SMPDL3B: variants seen among roughly 807,000 people sequenced by gnomAD.
SMPDL3B encodes the protein sphingomyelin phosphodiesterase acid like 3B.
A neutral mutation model predicts 37.9 loss-of-function variants in SMPDL3B; 31 were observed. The observed-to-expected ratio is 0.82, with a 90% CI of 0.61 to 1.10. SMPDL3B has a LOEUF of 1.10. Ranked by LOEUF, SMPDL3B falls within the 50% of genes least tolerant of loss-of-function variation. SMPDL3B has a pLI of 0.00. For synonymous variants in SMPDL3B, 235 were observed against 242.6 expected (o/e 0.97, Z 0.29); for missense variants, 525 against 597.8 (o/e 0.88, Z 1.27).
chr1:27,957,723 A>G (rs913823043), intron 7 of SMPDL3B, among the ~76,000 whole-genome samples: 23 of 152,184 alleles, frequency 1.5e-4, no homozygotes, highest in Non-Finnish European at 2.8e-4. Flanking sequence ...AGGCTGCACC[A>G]TCACCCCCTA....
At chr1:27,948,642 C>T (rs2090430082) in intron 2 of SMPDL3B, among the ~76,000 whole-genome samples, 1 of 152,218 alleles carries the variant, frequency 6.6e-6, no homozygotes, top group South Asian at 2.1e-4. Flanking sequence ...GCTTCTCAAC[C>T]CTGAGCTCCC....
intron 1 of SMPDL3B, among the ~76,000 whole-genome samples, chr1:27,940,292 GCACTTTA>G (rs2090345853): frequency 6.6e-6 from 1 of 152,174 alleles, no homozygotes; most frequent in African/African-American, 2.4e-5. Flanking sequence ...CCCTGCCCCT[GCACTTTA>G]CCTGTGGACA....
In SMPDL3B at chr1:27,945,311, A is replaced by G; in HGVS notation, c.141A>G (p.Ser47=). 2 of 1,614,206 alleles carry G rather than the reference A, an allele frequency of 1.2e-6. No homozygotes were observed. Among genetic ancestry groups the G allele is most frequent in the South Asian group, 2.2e-5 (2 of 91,088 alleles). ...AAGACCCCTTCCAGGTGTGCCCATC[A>G]GCTGGATCCCAGCCAGTGCCCGACG... ...VSKDPFQVCP[S]AGSQPVPDAG... is the part of the protein sequence containing the mutation. The change falls in exon 2 of 8, where the codon TCA becomes TCG. Residue 47 remains serine (S), a synonymous_variant. Transcript: ENST00000373894. This position sits in a 1 kb window ranked among gnomAD's most constrained non-coding sequence, Gnocchi z 4.0.
At position 27,945,384 on chromosome 1, in the gene SMPDL3B, A is replaced by G. The variant is rs2090398324; in HGVS notation, c.214A>G (p.Asn72Asp). The G allele has an allele frequency of 6.2e-7, 1 of 1,614,048 alleles. No individual in the cohort carries two copies. Among genetic ancestry groups the G allele is most frequent in the Non-Finnish European group, 8.5e-7 (1 of 1,180,004 alleles). The change falls in exon 2 of 8, where the codon AAC becomes GAC. Residue 72 changes from asparagine to aspartate, a missense_variant. Physicochemically the swap from Asn to Asp is conservative, Grantham distance 23. Coordinates refer to ENST00000373894, the MANE Select transcript of SMPDL3B (RefSeq NM_014474.4). This position sits in a 1 kb window ranked among gnomAD's most constrained non-coding sequence, Gnocchi z 4.0. ...YLCDSPWALINSSIYAMKEIE... is the reference protein window; with the variant it reads ...YLCDSPWALIDSSIYAMKEIE... ...CTGTGATTCTCCCTGGGCCCTCATCAACTCCTCCATCTATGCCATGAAGGA... is the reference window on the plus strand; with the variant it reads ...CTGTGATTCTCCCTGGGCCCTCATCGACTCCTCCATCTATGCCATGAAGGA...
rs560474833 is a variant in SMPDL3B, at chr1:27,954,219, T to C, written c.518-135T>C. The C allele has an allele frequency of 7.5e-4, 649 of 860,604 alleles. 8 individuals are homozygous for C. In the South Asian group the frequency reaches 9.8e-3, roughly 13 times the overall value. The allele number at this position is 860,604 out of a possible 1,614,324, so 53.3% of individuals were successfully genotyped here. On this transcript the variant is annotated intron_variant, in intron 4 of 7. Coordinates refer to ENST00000373894, the MANE Select transcript of SMPDL3B (RefSeq NM_014474.4). ...GCTCCAGAGCCTCTGATCTTCCAGA[T>C]TGATGTCCCACCCATGGGAAAGATG...
In SMPDL3B at chr1:27,953,352, A is replaced by T; in HGVS notation, c.511A>T (p.Lys171Ter). Residue 171 changes from lysine to a stop codon, truncating the protein, a stop_gained, in exon 4 of 8, where the codon AAA (lysine) becomes TAA (stop). Coordinates refer to ENST00000373894, the MANE Select transcript of SMPDL3B (RefSeq NM_014474.4). LOFTEE classifies it high-confidence loss of function. ...WLSNESIALFKKGAFYCEKLP... is the reference protein window; with the variant it reads ...WLSNESIALF The stretch of plus-strand genomic sequence containing the variant: ...TAGTAATGAGTCCATCGCTCTCTTC[A>T]AAAAAGGTACCAACACCACCTGCTC... 1 of 1,608,684 alleles carries T rather than the reference A, an allele frequency of 6.2e-7. No individual in the cohort carries two copies. The highest frequency in any genetic ancestry group is 8.5e-7 in the Non-Finnish European group (1 of 1,177,658).
At chr1:27,944,103 C>T (rs2090384021) in intron 1 of SMPDL3B, among the ~76,000 whole-genome samples, 1 of 151,458 alleles carries the variant, frequency 6.6e-6, no homozygotes, top group African/African-American at 2.4e-5. Flanking sequence ...TCTTTGGATT[C>T]CTTTCTCTTT....
chr1:27,956,397 T>C, intron 7 of SMPDL3B: 3 of 1,284,712 alleles, frequency 2.3e-6, no homozygotes, highest in Non-Finnish European at 3.1e-6. Context: ...ATAGCACCAC[T>C]TTCATCTTGT....
At chr1:27,957,876 TGAG>T (rs1223352929) in intron 7 of SMPDL3B, among the ~76,000 whole-genome samples, 3 of 152,170 alleles carry the variant, frequency 2.0e-5, no homozygotes, top group Non-Finnish European at 4.4e-5. Context: ...TCGCAGGGTT[TGAG>T]GAGGACTACA....
At chr1:27,946,697 C>A (rs116449059) in intron 2 of SMPDL3B, among the ~76,000 whole-genome samples, 6,172 of 152,238 alleles carry the variant, frequency 0.041, 430 homozygotes, top group African/African-American at 0.14. Flanking sequence ...TCTGACTTTG[C>A]GCTCCCTCTA....
intron 1 of SMPDL3B, among the ~76,000 whole-genome samples, chr1:27,944,528 A>T (rs4072744): frequency 0.63 from 95,731 of 151,432 alleles, 30,952 homozygotes; most frequent in Non-Finnish European, 0.71. Context: ...CGAATTTTCT[A>T]AATTTTGTGT....
In SMPDL3B at chr1:27,935,050, G is replaced by A; in HGVS notation, c.-134G>A. ...AGCCAGAGGATCCAGACGCCTTGGA[G>A]GACTTGGAACACCTGTAACAGGACA... On this transcript the variant is annotated 5_prime_UTR_variant, in exon 1 of 8. Coordinates refer to ENST00000373894, the MANE Select transcript of SMPDL3B (RefSeq NM_014474.4). 1 of 653,492 alleles carries A rather than the reference G, an allele frequency of 1.5e-6. No homozygotes were observed. Among genetic ancestry groups the A allele is most frequent in the South Asian group, 1.9e-5 (1 of 53,676 alleles). The allele number at this position is 653,492 out of a possible 1,614,324, so 40.5% of individuals were successfully genotyped here.
At chr1:27,954,310 G>T in intron 4 of SMPDL3B, 44 bp from the exon 5 acceptor site, 1 of 1,578,040 alleles carries the variant, frequency 6.3e-7, no homozygotes, top group South Asian at 1.1e-5. Flanking sequence ...AGCCTGTCTG[G>T]CCAGAGGTGG....
rs1638390066 is a variant in SMPDL3B, at chr1:27,958,896, C to G, written c.*58C>G. 1.4e-6 allele frequency: 2 copies of G among 1,478,338 alleles called. No homozygotes were observed. The highest frequency in any genetic ancestry group is 1.4e-5 in the African/African-American group (1 of 72,038). The allele number at this position is 1,478,338 out of a possible 1,614,324, so 91.6% of individuals were successfully genotyped here. A position where few individuals can be genotyped will look rare whatever the true frequency, so the allele number is the denominator to read the frequency against. On this transcript the variant is annotated 3_prime_UTR_variant, in exon 8 of 8. Coordinates refer to ENST00000373894, the MANE Select transcript of SMPDL3B (RefSeq NM_014474.4). The surrounding 1 kb of genome is among the most constrained non-coding windows in gnomAD (Gnocchi z 5.6). ...TAACGGGGGCAGCGCCCAGGATCAC[C>G]CAGAGCTGGGCCTTCCACCATTTCC...
chr1:27,947,712 A>T (rs1176993691), intron 2 of SMPDL3B, among the ~76,000 whole-genome samples: 1 of 147,090 alleles, frequency 6.8e-6, no homozygotes, highest in Admixed American at 6.8e-5. Flanking sequence ...CAGTGGTGCG[A>T]TCTCGGCTCA....
intron 1 of SMPDL3B, among the ~76,000 whole-genome samples, chr1:27,937,757 G>T (rs564189239): frequency 1.2e-4 from 19 of 152,294 alleles, no homozygotes; most frequent in African/African-American, 3.9e-4. Context: ...ACAGCCAGGT[G>T]CTCTGTATAA....
In SMPDL3B at chr1:27,953,224, T is replaced by G; in HGVS notation, c.383T>G (p.Val128Gly). The G allele has an allele frequency of 2.5e-6, 4 of 1,612,896 alleles. No homozygotes were observed. Among genetic ancestry groups the G allele is most frequent in the Non-Finnish European group, 3.4e-6 (4 of 1,179,364 alleles). The change falls in exon 4 of 8, where the codon GTC becomes GGC. Residue 128 changes from valine (V) to glycine (G), a missense_variant. Coordinates refer to ENST00000373894, the MANE Select transcript of SMPDL3B (RefSeq NM_014474.4). Reference sequence around the variant, plus strand: ...CACCCTTTCTTCCTAGATACTAAAGTCTATGCTGCTTTGGGAAATCATGAT... The same window carrying G: ...CACCCTTTCTTCCTAGATACTAAAGGCTATGCTGCTTTGGGAAATCATGAT... ...LIREVFPDTK[V>G]YAALGNHDFH...
At chr1:27,953,459 C>A in intron 4 of SMPDL3B, 101 bp downstream of exon 4, 2 of 1,089,634 alleles carry the variant, frequency 1.8e-6, no homozygotes, top group East Asian at 2.5e-5. Flanking sequence ...ATTTTATCCC[C>A]AATTTACAGA....
At chr1:27,940,324 G>T (rs536137106) in intron 1 of SMPDL3B, among the ~76,000 whole-genome samples, 1 of 152,174 alleles carries the variant, frequency 6.6e-6, no homozygotes, top group African/African-American at 2.4e-5. Context: ...CCAAGGACAC[G>T]CTGGGGCTGG....
Sources: allele counts gnomAD v4.1 joint callset (sites outside exome capture counted in the v4.1 genomes callset), GRCh38; gene constraint gnomAD v4.1.1; non-coding constraint Gnocchi (gnomAD v3.1); transcripts MANE v1.5; gene names NCBI Gene and HGNC (gene_info 2026-07-23, HGNC 2026-07-21).